The following GRIK2 variants were observed in gnomAD, a reference collection of about 807,000 sequenced individuals.
The protein encoded by GRIK2 is glutamate ionotropic receptor kainate type subunit 2, also known as glutamate receptor ionotropic, kainate 2.
GRIK2 carries 32 observed loss-of-function variants against 100.3 expected under a neutral mutation model. The observed-to-expected ratio is 0.32, with a 90% CI of 0.24 to 0.43. The LOEUF is 0.43. Among genes scored for constraint, GRIK2 ranks in the 20% least tolerant of loss-of-function variants. The probability of loss-of-function intolerance (pLI) is 1.00; values close to 1 mark genes in which losing one functional copy is unlikely to be tolerated. For synonymous variants in GRIK2, 417 were observed against 389.4 expected (o/e 1.07, Z -0.83); for missense variants, 843 against 1,114.9 (o/e 0.76, Z 3.47).
chr6:101,686,211 G>A lies in GRIK2; in HGVS notation c.809G>A (p.Arg270Gln), dbSNP rs148565717. 33 of 1,612,034 alleles carry A rather than the reference G, an allele frequency of 2.0e-5. No homozygotes were observed. Among genetic ancestry groups the A allele is most frequent in the Non-Finnish European group, 2.6e-5 (31 of 1,178,576 alleles). Residue 270 changes from arginine to glutamine, a missense_variant, in exon 7 of 17, where the codon CGA (arginine) becomes CAA (glutamine). Around this residue, in one of 3 missense-constraint regions of GRIK2, gnomAD observed 519 missense variants for 643.8 expected, o/e 0.81. Transcript: ENST00000369134. The stretch of plus-strand genomic sequence containing the variant: ...TTTGCTCTTGATGTTGAGCCCTACC[G>A]ATACAGTGGTGTTAACATGACAGGG... ...DLFALDVEPYRYSGVNMTGFR... is the reference protein window; with the variant it reads ...DLFALDVEPYQYSGVNMTGFR...
intron 4 of GRIK2, among the ~76,000 whole-genome samples, chr6:101,636,283 T>C (rs146413967): frequency 2.3e-3 from 349 of 152,172 alleles, no homozygotes; most frequent in Middle Eastern, 0.01. Flanking sequence ...TTCTCAGTCA[T>C]AAGTGGGAGT....
At position 101,719,138 on chromosome 6, in the gene GRIK2, G is replaced by GTT. The variant is rs60301711; in HGVS notation, c.951+32822_951+32823dup. ...CTGAAATGTGCAACAGGCTGCAAGGGTTTTTTTTTTTTTTTTTTTTTTTTT... is the reference window on the plus strand; with the variant it reads ...CTGAAATGTGCAACAGGCTGCAAGGGTTTTTTTTTTTTTTTTTTTTTTTTTTT... On this transcript the variant is annotated intron_variant, in intron 7 of 16. Transcript: ENST00000369134. Among the ~76,000 whole-genome samples, 252 of 101,112 alleles carry GTT rather than the reference G, an allele frequency of 2.5e-3. 6 individuals carry two copies. Among genetic ancestry groups the GTT allele is most frequent in the Non-Finnish European group, 3.1e-3 (169 of 55,338 alleles). The allele number at this position is 101,112 out of a possible 152,430, so 66.3% of individuals were successfully genotyped here. A position where few individuals can be genotyped will look rare whatever the true frequency, so the allele number is the denominator to read the frequency against.
chr6:101,793,749 A>G (rs1411193056), intron 7 of GRIK2, among the ~76,000 whole-genome samples: 1 of 152,180 alleles, frequency 6.6e-6, no homozygotes, highest in East Asian at 1.9e-4. Flanking sequence ...GCTGTCAGAC[A>G]GGGACATTGA....
At chr6:101,427,449 G>A (rs1769099724) in intron 2 of GRIK2, among the ~76,000 whole-genome samples, 1 of 152,150 alleles carries the variant, frequency 6.6e-6, no homozygotes, top group Admixed American at 6.5e-5. Context: ...TACCTAAGTA[G>A]CTGGAAAATG....
intron 14 of GRIK2, among the ~76,000 whole-genome samples, chr6:102,031,122 CACA>C (rs1769972891): frequency 8.9e-6 from 1 of 112,164 alleles, no homozygotes; most frequent in African/African-American, 3.2e-5. Context: ...CACACACACA[CACA>C]CACCCCCTTT....
chr6:102,061,127 C>T (rs1771729383), intron 16 of GRIK2, among the ~76,000 whole-genome samples: 1 of 150,394 alleles, frequency 6.6e-6, no homozygotes, highest in Non-Finnish European at 1.5e-5. Context: ...CTTCATTTTG[C>T]TTACTGATCT....
In GRIK2 at chr6:101,889,743, G is replaced by A. The variant is rs141189363; in HGVS notation, c.1628G>A (p.Arg543His). The change falls in exon 12 of 17, where the codon CGC (arginine) becomes CAC (histidine). Residue 543 changes from arginine to histidine, a missense_variant. Arg to His is a conservative substitution (Grantham distance 29, BLOSUM62 0). This residue lies in a region of GRIK2 where 237 missense variants were observed against 388.0 expected (regional missense o/e 0.61). Transcript: ENST00000369134. ...FMTLGISILYRKPNGTNPGVF... is the reference protein window; with the variant it reads ...FMTLGISILYHKPNGTNPGVF... ...ACACTTGGAATAAGTATTTTGTACC[G>A]CAAGCCCAATGGTACAAACCCAGGC... 183 of 1,610,228 alleles carry A rather than the reference G, an allele frequency of 1.1e-4. No individual in the cohort carries two copies. Among genetic ancestry groups the A allele is most frequent in the East Asian group, 5.6e-4 (25 of 44,782 alleles).
intron 2 of GRIK2, among the ~76,000 whole-genome samples, chr6:101,535,466 A>T (rs1426720216): frequency 1.3e-5 from 2 of 151,804 alleles, no homozygotes; most frequent in African/African-American, 4.8e-5. Context: ...AGTAGAGGCT[A>T]GGGAACTGTA....
At chr6:101,856,379 A>G (rs1202451293) in intron 10 of GRIK2, among the ~76,000 whole-genome samples, 1 of 152,222 alleles carries the variant, frequency 6.6e-6, no homozygotes, top group Non-Finnish European at 1.5e-5. Context: ...GCTGTAATAT[A>G]ATGTCTATGA....
chr6:101,588,674 A>G (rs1452817799), intron 2 of GRIK2, among the ~76,000 whole-genome samples: 1 of 141,356 alleles, frequency 7.1e-6, no homozygotes, highest in Admixed American at 7.0e-5. Flanking sequence ...ACACGCACAC[A>G]CACACACACA....
In GRIK2 at chr6:101,556,230, T is replaced by TAGGGTTA. The variant is rs1452727450; in HGVS notation, c.116-65718_116-65712dup. Among the ~76,000 whole-genome samples, 3 of 151,258 alleles carry TAGGGTTA rather than the reference T, an allele frequency of 2.0e-5. No individual in the cohort carries two copies. In the East Asian group the frequency reaches 5.8e-4, roughly 29 times the overall value. ...AACATGTAATCTTATTGAGTTTTCG[T>TAGGGTTA]AGGGTTATTAGCAGATTTCACTAAT... On this transcript the variant is annotated intron_variant, in intron 2 of 16. Coordinates refer to ENST00000369134, the MANE Select transcript of GRIK2 (RefSeq NM_021956.5).
In GRIK2 at chr6:101,761,508, A is replaced by G. The variant is rs554025132; in HGVS notation, c.952-38140A>G. ...GAGCTCATGATAGCACACATGCTCT[A>G]TCTCTGTTGGCTATATTTTTAGCTT... On this transcript the variant is annotated intron_variant, in intron 7 of 16. Transcript: ENST00000369134. Among the ~76,000 whole-genome samples, 4 of 152,230 alleles carry G rather than the reference A, an allele frequency of 2.6e-5. No individual in the cohort carries two copies. In the East Asian group the frequency reaches 7.8e-4, roughly 30 times the overall value.
At chr6:101,486,392 G>C (rs1056215115) in intron 2 of GRIK2, among the ~76,000 whole-genome samples, 3 of 61,026 alleles carry the variant, frequency 4.9e-5, no homozygotes, top group Non-Finnish European at 1.3e-4. Context: ...GGGGTGGGGC[G>C]GGGGGGGGAA....
At chr6:101,522,533 C>A (rs1774928992) in intron 2 of GRIK2, among the ~76,000 whole-genome samples, 1 of 152,060 alleles carries the variant, frequency 6.6e-6, no homozygotes, top group African/African-American at 2.4e-5. Flanking sequence ...CCTTCAATAG[C>A]TGCACAGAGA....
At position 101,746,787 on chromosome 6, in the gene GRIK2, G is replaced by GCA. The variant is rs200640282; in HGVS notation, c.952-52848_952-52847dup. On this transcript the variant is annotated intron_variant, in intron 7 of 16. Coordinates refer to ENST00000369134, the MANE Select transcript of GRIK2 (RefSeq NM_021956.5). The stretch of plus-strand genomic sequence containing the variant: ...TAAATACATATGTGCATATGTGTAT[G>GCA]CACACACACACACATATATACTCCC... Among the ~76,000 whole-genome samples the GCA allele has an allele frequency of 1.3e-4, 19 of 151,020 alleles. No homozygotes were observed. The South Asian group carries it at 2.3e-3, about 18-fold the overall frequency.
Position 101,818,351 on chromosome 6 carries a change from T to G in GRIK2, c.1204-19T>G. 7.3e-7 allele frequency: 1 copy of G among 1,373,372 alleles called. No individual in the cohort carries two copies. Among genetic ancestry groups the G allele is most frequent in the Non-Finnish European group, 1.0e-6 (1 of 961,790 alleles). The allele number at this position is 1,373,372 out of a possible 1,614,324, so 85.1% of individuals were successfully genotyped here. A position where few individuals can be genotyped will look rare whatever the true frequency, so the allele number is the denominator to read the frequency against. Reference sequence around the variant, plus strand: ...CGTGCCTGATGGACAATTTACAAAGTACATATGCTATTTTATAGATTGGAA... The same window carrying G: ...CGTGCCTGATGGACAATTTACAAAGGACATATGCTATTTTATAGATTGGAA... On this transcript the variant is annotated intron_variant, in intron 9 of 16. Transcript: ENST00000369134.
rs1410409674 is a variant in GRIK2, at chr6:102,069,043, T to A, written c.*532T>A. 6.6e-6 allele frequency: 1 copy of A among 151,726 alleles called. No homozygotes were observed. The highest frequency in any genetic ancestry group is 2.4e-5 in the African/African-American group (1 of 41,380). The allele number at this position is 151,726 out of a possible 1,614,324, so 9.4% of individuals were successfully genotyped here. On this transcript the variant is annotated 3_prime_UTR_variant, in exon 17 of 17. Coordinates refer to ENST00000369134, the MANE Select transcript of GRIK2 (RefSeq NM_021956.5). ...GAATGCAAAGTATGTGTTTATAGGA[T>A]GTGAAAAAATGTAATGCAAAACAAA...
At chr6:101,860,554 T>G (rs1167192040) in intron 11 of GRIK2, among the ~76,000 whole-genome samples, 2 of 152,114 alleles carry the variant, frequency 1.3e-5, no homozygotes, top group Non-Finnish European at 2.9e-5. Flanking sequence ...GCACAGGACA[T>G]GAAAATCCTT....
chr6:101,524,839 C>T (rs996682509), intron 2 of GRIK2, among the ~76,000 whole-genome samples: 1 of 151,238 alleles, frequency 6.6e-6, no homozygotes, highest in African/African-American at 2.4e-5. Flanking sequence ...TCAAACGATT[C>T]TCCAACCTCA....
Sources: allele counts gnomAD v4.1 joint callset (sites outside exome capture counted in the v4.1 genomes callset), GRCh38; gene constraint gnomAD v4.1.1; regional missense constraint gnomAD v4.1.1; transcripts MANE v1.5; gene names NCBI Gene and HGNC (gene_info 2026-07-23, HGNC 2026-07-21).